The following POU6F2 variants were observed in gnomAD, a reference collection of about 807,000 sequenced individuals.
POU6F2 encodes the protein POU class 6 homeobox 2.
Under a neutral mutation model 71.3 loss-of-function variants are expected in POU6F2, and 31 were observed. That is an observed-to-expected ratio of 0.43 (90% CI 0.33 to 0.59). The LOEUF is 0.59. Ranked by LOEUF, POU6F2 falls within the 20% of genes least tolerant of loss-of-function variation. POU6F2 has a pLI of 0.04. For missense variants in POU6F2, 783 were observed against 856.8 expected (o/e 0.91, Z 1.07); for synonymous variants, 347 against 355.7 (o/e 0.98, Z 0.27).
At chr7:39,081,501 T>C (rs543520461) in intron 1 of POU6F2, among the ~76,000 whole-genome samples, 15 of 152,222 alleles carry the variant, frequency 9.9e-5, no homozygotes, top group Non-Finnish European at 1.9e-4. Flanking sequence ...TGGAATGTAC[T>C]TTGGGAAATA....
chr7:38,993,964 T>G (rs372926899), intron 1 of POU6F2, among the ~76,000 whole-genome samples: 30 of 152,316 alleles, frequency 2.0e-4, no homozygotes, highest in African/African-American at 6.7e-4. Context: ...GAAGTGATTT[T>G]TCCACTTGGT....
chr7:39,226,329 T>G (rs1354536029), intron 4 of POU6F2, among the ~76,000 whole-genome samples: 1 of 152,226 alleles, frequency 6.6e-6, no homozygotes, highest in Non-Finnish European at 1.5e-5. Context: ...AATATAGGAT[T>G]GTGTTCAGTG....
chr7:39,153,225 TG>T (rs1348274967), intron 2 of POU6F2, among the ~76,000 whole-genome samples: 2 of 152,094 alleles, frequency 1.3e-5, no homozygotes, highest in African/African-American at 2.4e-5. Flanking sequence ...GTTGGAGGGT[TG>T]AAGAGCAATA....
intron 2 of POU6F2, among the ~76,000 whole-genome samples, chr7:39,183,095 C>T (rs1168136748): frequency 6.6e-6 from 1 of 152,180 alleles, no homozygotes; most frequent in Non-Finnish European, 1.5e-5. Context: ...TTGAGCTCCA[C>T]CTCCTGTCAG....
chr7:39,064,025 G>C (rs1790709020), intron 1 of POU6F2, among the ~76,000 whole-genome samples: 2 of 152,024 alleles, frequency 1.3e-5, no homozygotes, highest in Non-Finnish European at 2.9e-5. Flanking sequence ...AGACAGATGA[G>C]ATGAATCAAA....
At chr7:39,286,172 T>G (rs1040612848) in intron 4 of POU6F2, among the ~76,000 whole-genome samples, 1 of 152,122 alleles carries the variant, frequency 6.6e-6, no homozygotes, top group South Asian at 2.1e-4. Flanking sequence ...AAATAATGAT[T>G]TATACGGTCA....
Position 39,226,588 on chromosome 7 carries a change from G to C in POU6F2, c.598+18968G>C, listed in dbSNP as rs376985698. On this transcript the variant is annotated intron_variant, in intron 4 of 9. Transcript: ENST00000518318. ...AAGAAGCAAGTGCATTGAATGTAAA[G>C]CTTTCACTTTAAACCATTTTTTTGT... 1.8e-3 allele frequency among the ~76,000 whole-genome samples: 269 copies of C among 152,278 alleles called. 2 individuals are homozygous for C. The highest frequency in any genetic ancestry group is 6.2e-3 in the African/African-American group (256 of 41,568).
chr7:39,374,999 C>G (rs1337995182), intron 5 of POU6F2, among the ~76,000 whole-genome samples: 1 of 152,180 alleles, frequency 6.6e-6, no homozygotes, highest in Non-Finnish European at 1.5e-5. Flanking sequence ...CTGCTTTCTA[C>G]AGTTTGGGGA....
Position 39,339,907 on chromosome 7 carries a change from C to T in POU6F2, c.864C>T (p.Asn288=), listed in dbSNP as rs772925577. Residue 288 remains asparagine (N), a synonymous_variant, in exon 5 of 10, where the codon AAC becomes AAT. Transcript: ENST00000518318. ...QQHQPHSHSQ[N]QNQPSPTQQS... Reference sequence around the variant, plus strand: ...ACCAACCCCACTCCCACTCCCAGAACCAGAACCAACCATCTCCAACCCAGC... The same window carrying T: ...ACCAACCCCACTCCCACTCCCAGAATCAGAACCAACCATCTCCAACCCAGC... 1.8e-5 allele frequency: 29 copies of T among 1,613,840 alleles called. No homozygotes were observed. Among genetic ancestry groups the T allele is most frequent in the Non-Finnish European group, 4.2e-6 (5 of 1,179,898 alleles).
intron 1 of POU6F2, among the ~76,000 whole-genome samples, chr7:39,053,320 T>C (rs1790435715): frequency 6.6e-6 from 1 of 152,132 alleles, no homozygotes; most frequent in Non-Finnish European, 1.5e-5. Flanking sequence ...CTTTTCTCAT[T>C]GGATCCCTGG....
intron 7 of POU6F2, among the ~76,000 whole-genome samples, chr7:39,440,658 T>C (rs1198809599): frequency 6.6e-6 from 1 of 152,236 alleles, no homozygotes; most frequent in Non-Finnish European, 1.5e-5. Flanking sequence ...ATAGTTTTTA[T>C]TAGCTATCTT....
intron 2 of POU6F2, among the ~76,000 whole-genome samples, chr7:39,124,833 G>T (rs1416517843): frequency 6.6e-6 from 1 of 152,126 alleles, no homozygotes; most frequent in African/African-American, 2.4e-5. Flanking sequence ...TTTTGATTAG[G>T]ACAGTTAGTT....
chr7:39,163,230 T>C (rs1009822201), intron 2 of POU6F2, among the ~76,000 whole-genome samples: 2 of 152,242 alleles, frequency 1.3e-5, no homozygotes, highest in Admixed American at 6.5e-5. Flanking sequence ...CTCCCAAGAA[T>C]CATATCTAAC....
intron 4 of POU6F2, among the ~76,000 whole-genome samples, chr7:39,273,402 G>T (rs572834625): frequency 6.6e-6 from 1 of 152,218 alleles, no homozygotes; most frequent in Admixed American, 6.5e-5. Flanking sequence ...GTTTGCCTCT[G>T]TGGTGTTCTT....
At chr7:39,305,487 A>G (rs1399956647) in intron 4 of POU6F2, among the ~76,000 whole-genome samples, 1 of 152,248 alleles carries the variant, frequency 6.6e-6, no homozygotes, top group Non-Finnish European at 1.5e-5. Flanking sequence ...CACAAGACCA[A>G]GAGGAGTTAG....
intron 4 of POU6F2, among the ~76,000 whole-genome samples, chr7:39,280,847 C>G (rs1784550400): frequency 6.6e-6 from 1 of 152,212 alleles, no homozygotes; most frequent in Non-Finnish European, 1.5e-5. Context: ...ACAAAGTAAT[C>G]ATCAGATCCT....
intron 2 of POU6F2, among the ~76,000 whole-genome samples, chr7:39,102,630 A>G (rs892898902): frequency 2.6e-5 from 4 of 152,176 alleles, no homozygotes; most frequent in Non-Finnish European, 5.9e-5. Flanking sequence ...GTAAATATAT[A>G]TATATATGTT....
chr7:39,102,029 G>A (rs537706185), intron 2 of POU6F2, among the ~76,000 whole-genome samples: 9 of 152,220 alleles, frequency 5.9e-5, no homozygotes, highest in Admixed American at 2.0e-4. Flanking sequence ...CTCCAGAGAT[G>A]TATTTCTTTT....
At chr7:39,375,155 A>G (rs1373587881) in intron 5 of POU6F2, among the ~76,000 whole-genome samples, 1 of 151,842 alleles carries the variant, frequency 6.6e-6, no homozygotes, top group African/African-American at 2.4e-5. Flanking sequence ...GTTTTACCTG[A>G]TATTATGTTG....
Sources: gnomAD v4.1 joint callset for allele counts (sites outside exome capture counted in the v4.1 genomes callset) on GRCh38, gnomAD v4.1.1 for gene constraint, MANE v1.5 for transcripts, NCBI Gene and HGNC (gene_info 2026-07-23, HGNC 2026-07-21) for gene names.